The following MIOS variants were observed in gnomAD, a reference collection of about 807,000 sequenced individuals.
MIOS encodes the protein meiosis regulator for oocyte development, also known as GATOR2 complex protein MIOS.
Under a neutral mutation model 96.9 loss-of-function variants are expected in MIOS, and 52 were observed. That is an observed-to-expected ratio of 0.54 (90% CI 0.43 to 0.68). MIOS has a LOEUF of 0.68. Ranked by LOEUF, MIOS falls within the 30% of genes least tolerant of loss-of-function variation. MIOS has a pLI of 0.00. For missense variants in MIOS, 1,005 were observed against 1,052.8 expected (o/e 0.95, Z 0.63); for synonymous variants, 397 against 359.5 (o/e 1.10, Z -1.18).
chr7:7,588,515 A>G lies in MIOS; in HGVS notation c.1836A>G (p.Ala612=), dbSNP rs1783956218. Residue 612 remains alanine, a synonymous_variant, in exon 8 of 13, where the codon GCA becomes GCG. Transcript: ENST00000340080. ...CTTTCCAGTATGAAAACAAAGTTGC[A>G]GTACGTGACAGAGTGGCATTTGCTT... The part of the protein sequence containing the change: ...YDGVLYENKV[A]VRDRVAFACK... 1.1e-5 allele frequency: 18 copies of G among 1,583,642 alleles called. No homozygotes were observed. The highest frequency in any genetic ancestry group is 1.5e-5 in the Non-Finnish European group (17 of 1,163,552).
intron 11 of MIOS, among the ~76,000 whole-genome samples, 181 bp downstream of exon 11, chr7:7,596,642 A>G (rs771877543): frequency 9.2e-5 from 14 of 152,204 alleles, no homozygotes; most frequent in South Asian, 4.1e-4. Flanking sequence ...AGCAAAATCT[A>G]TATCTATTGA....
At chr7:7,586,888 G>T (rs1193082816) in intron 7 of MIOS, among the ~76,000 whole-genome samples, 1 of 151,930 alleles carries the variant, frequency 6.6e-6, no homozygotes, top group African/African-American at 2.4e-5. Flanking sequence ...AGATAAACAA[G>T]TGGATTGTTA....
At position 7,588,485 on chromosome 7, in the gene MIOS, C is replaced by G. The variant is rs777875220; in HGVS notation, c.1819-13C>G. On this transcript the variant is annotated splice_polypyrimidine_tract_variant and intron_variant, in intron 7 of 12. Transcript: ENST00000340080. The stretch of plus-strand genomic sequence containing the variant: ...GCCTAGAAGTAACTCCTTGCTTTTT[C>G]TCTTCTTTCCAGTATGAAAACAAAG... 8 of 1,551,416 alleles carry G rather than the reference C, an allele frequency of 5.2e-6. No homozygotes were observed. The highest frequency in any genetic ancestry group is 7.0e-6 in the Non-Finnish European group (8 of 1,146,536).
intron 11 of MIOS, among the ~76,000 whole-genome samples, chr7:7,604,866 G>C (rs1784481130): frequency 6.6e-6 from 1 of 152,032 alleles, no homozygotes; most frequent in African/African-American, 2.4e-5. Context: ...TTTACACAAA[G>C]GTGTAAAGTA....
intron 9 of MIOS, among the ~76,000 whole-genome samples, chr7:7,593,659 C>T (rs929201979): frequency 3.3e-5 from 5 of 151,728 alleles, no homozygotes; most frequent in Admixed American, 2.0e-4. Flanking sequence ...TTTGGGAGGC[C>T]GAGGTGGGCA....
At chr7:7,592,943 C>T (rs1227711165) in intron 9 of MIOS, among the ~76,000 whole-genome samples, 2 of 152,204 alleles carry the variant, frequency 1.3e-5, no homozygotes, top group African/African-American at 4.8e-5. Context: ...TATCTCTTCA[C>T]TAATCAAAAC....
At chr7:7,593,879 C>CAAAAAAAAAAAAAAA (rs35986278) in intron 9 of MIOS, among the ~76,000 whole-genome samples, 16 of 47,820 alleles carry the variant, frequency 3.3e-4, no homozygotes, top group African/African-American at 8.6e-4. Flanking sequence ...ACTCTGTCTC[C>CAAAAAAAAAAAAAAA]AAAAAAAAAA....
Position 7,608,164 on chromosome 7 carries a change from C to CT in MIOS, c.*1072_*1073insT, listed in dbSNP as rs1450639729. ...GCTAAGTCAGGTACTTTATTTAAAA[C>CT]ATTTTTTTTTCTCATTTCATAGCTA... On this transcript the variant is annotated 3_prime_UTR_variant, in exon 13 of 13. Transcript: ENST00000340080. 1.7e-3 allele frequency: 13 copies of CT among 7,596 alleles called. No homozygotes were observed. Among genetic ancestry groups the CT allele is most frequent in the East Asian group, 0.015 (1 of 66 alleles). The allele number at this position is 7,596 out of a possible 1,614,324, so 0.5% of individuals were successfully genotyped here.
In MIOS at chr7:7,607,210, A is replaced by G; in HGVS notation, c.*118A>G. ...TGACTTACCTGTAATGGGAAAATAA[A>G]TCATTCTATCAGATCAGCAGTTTTG... On this transcript the variant is annotated 3_prime_UTR_variant, in exon 13 of 13. Transcript: ENST00000340080. 1 of 672,096 alleles carries G rather than the reference A, an allele frequency of 1.5e-6. No individual in the cohort carries two copies. Among genetic ancestry groups the G allele is most frequent in the Non-Finnish European group, 2.5e-6 (1 of 407,630 alleles). The allele number at this position is 672,096 out of a possible 1,614,324, so 41.6% of individuals were successfully genotyped here.
At position 7,573,163 on chromosome 7, in the gene MIOS, G is replaced by A; in HGVS notation, c.688G>A (p.Val230Met). The A allele has an allele frequency of 1.9e-6, 3 of 1,614,104 alleles. No individual in the cohort carries two copies. The highest frequency in any genetic ancestry group is 2.5e-6 in the Non-Finnish European group (3 of 1,179,964). Residue 230 changes from valine to methionine, a missense_variant, in exon 4 of 13, where the codon GTG becomes ATG. Val to Met is a conservative substitution (Grantham distance 21, BLOSUM62 1). Coordinates refer to ENST00000340080, the MANE Select transcript of MIOS (RefSeq NM_019005.4). This position sits in a 1 kb window ranked among gnomAD's most constrained non-coding sequence, Gnocchi z 5.0. The stretch of plus-strand genomic sequence containing the variant: ...CGTAAATACAAAAGCTGTTCAGGGT[G>A]TGACGGTAGACCCATATTTCCACGA... ...MFVNTKAVQG[V>M]TVDPYFHDRV...
chr7:7,589,285 G>T lies in MIOS; in HGVS notation c.1885-120G>T, dbSNP rs1214771795. The T allele has an allele frequency of 6.3e-6, 5 of 792,626 alleles. No homozygotes were observed. The African/African-American group carries it at 8.7e-5, about 14-fold the overall frequency. The allele number at this position is 792,626 out of a possible 1,614,324, so 49.1% of individuals were successfully genotyped here. ...TTCTTAGTTAAATATTTATATTTTA[G>T]TAAAGTCTTTTGTTTTAAAATGTTT... On this transcript the variant is annotated intron_variant, in intron 8 of 12. Transcript: ENST00000340080.
chr7:7,609,074 T>A (rs1784599583), downstream of MIOS: 1 of 152,106 alleles, frequency 6.6e-6, no homozygotes, highest in African/African-American at 2.4e-5. Flanking sequence ...GATCAATAGA[T>A]GTGTTTATTA....
intron 11 of MIOS, among the ~76,000 whole-genome samples, chr7:7,598,549 A>C (rs1422199313): frequency 6.7e-6 from 1 of 149,056 alleles, no homozygotes; most frequent in Non-Finnish European, 1.5e-5. Context: ...ATAAACAGAA[A>C]ATAACAATTT....
rs1783400117 is a variant in MIOS, at chr7:7,572,844, A to G, written c.369A>G (p.Pro123=). Residue 123 remains proline, a synonymous_variant, in exon 4 of 13, where the codon CCA becomes CCG. Transcript: ENST00000340080. The surrounding 1 kb of genome is among the most constrained non-coding windows in gnomAD (Gnocchi z 4.8). Reference sequence around the variant, plus strand: ...AATGTAATACCCTTGCCTGGAATCCACTGGATAGTAACTGGCTAGCTGCTG... The same window carrying G: ...AATGTAATACCCTTGCCTGGAATCCGCTGGATAGTAACTGGCTAGCTGCTG... ...ARQCNTLAWN[P]LDSNWLAAGL... 1.2e-6 allele frequency: 2 copies of G among 1,614,186 alleles called. No homozygotes were observed. The highest frequency in any genetic ancestry group is 3.3e-5 in the Admixed American group (2 of 60,022).
At position 7,573,452 on chromosome 7, in the gene MIOS, C is replaced by T; in HGVS notation, c.977C>T (p.Ala326Val). 1 of 1,614,142 alleles carries T rather than the reference C, an allele frequency of 6.2e-7. No individual in the cohort carries two copies. Among genetic ancestry groups the T allele is most frequent in the Non-Finnish European group, 8.5e-7 (1 of 1,179,968 alleles). ...GTGCAACCTTGTGACAATTACATTG[C>T]TTCCTTTGCGTGGCATCCAACAAGT... ...RSVQPCDNYI[A>V]SFAWHPTSQN... Residue 326 changes from alanine (A) to valine (V), a missense_variant, in exon 4 of 13, where the codon GCT becomes GTT. Physicochemically the swap from Ala to Val is moderately conservative, Grantham distance 64. This residue lies in a region of MIOS where 865 missense variants were observed against 887.9 expected (regional missense o/e 0.97). Coordinates refer to ENST00000340080, the MANE Select transcript of MIOS (RefSeq NM_019005.4). The surrounding 1 kb of genome is among the most constrained non-coding windows in gnomAD (Gnocchi z 5.0).
intron 5 of MIOS, among the ~76,000 whole-genome samples, chr7:7,582,304 A>G (rs1430386997): frequency 1.3e-5 from 2 of 152,176 alleles, no homozygotes; most frequent in African/African-American, 4.8e-5. Context: ...TATAATGACA[A>G]TTTTGGTGGT....
At chr7:7,603,161 A>C (rs2115501535) in intron 11 of MIOS, among the ~76,000 whole-genome samples, 1 of 152,304 alleles carries the variant, frequency 6.6e-6, no homozygotes, top group South Asian at 2.1e-4. Flanking sequence ...ATGGGCAAGG[A>C]CTTCATGTCT....
At chr7:7,580,873 G>T (rs1201969196) in intron 5 of MIOS, among the ~76,000 whole-genome samples, 4 of 150,412 alleles carry the variant, frequency 2.7e-5, no homozygotes, top group African/African-American at 9.8e-5. Context: ...TTTTAGTAGA[G>T]ACCGGGTTTT....
At chr7:7,606,913 C>A in intron 12 of MIOS, 83 bp from the exon 13 acceptor site, 1 of 1,104,046 alleles carries the variant, frequency 9.1e-7, no homozygotes, top group Non-Finnish European at 1.3e-6. Context: ...TAGGGAGACC[C>A]TGTCTCTTAA....
Sources: allele counts gnomAD v4.1 joint callset (sites outside exome capture counted in the v4.1 genomes callset), GRCh38; gene constraint gnomAD v4.1.1; regional missense constraint gnomAD v4.1.1; non-coding constraint Gnocchi (gnomAD v3.1); transcripts MANE v1.5; gene names NCBI Gene and HGNC (gene_info 2026-07-23, HGNC 2026-07-21).